USP48: variants seen among roughly 807,000 people sequenced by gnomAD.
USP48 encodes the protein ubiquitin carboxyl-terminal hydrolase 48.
In USP48, 43 loss-of-function variants were observed where a neutral mutation model predicts 150.7. The ratio of observed to expected loss-of-function variants is 0.29; its 90% CI spans 0.22 to 0.37. The LOEUF (loss-of-function observed/expected upper bound fraction) is 0.37, where lower values mean the gene tolerates loss of function less well. Ranked by LOEUF, USP48 falls within the 10% of genes least tolerant of loss-of-function variation. The pLI is 1.00. For synonymous variants in USP48, 396 were observed against 425.9 expected, an observed-to-expected ratio of 0.93 and a Z score of 0.86; for missense variants, 813 against 1,249.6, an observed-to-expected ratio of 0.65 and a Z score of 5.27.
At position 21,752,994 on chromosome 1, in the gene USP48, G is replaced by A; in HGVS notation, c.538C>T (p.Gln180Ter). Residue 180 changes from glutamine to a stop codon, truncating the protein, a stop_gained and splice_region_variant, in exon 4 of 27, where the codon CAG (glutamine) becomes TAG (stop). Transcript: ENST00000308271. LOFTEE classifies it high-confidence loss of function. ...AAAAAAAAAAATTCAGTTCTTACCT[G>A]CTGTTGTCCAGTGTCCAGGCCCAAG... ...KALGLDTGQQQDAQEFSKLFM... is the reference protein window; with the variant it reads ...KALGLDTGQQ 6.3e-7 allele frequency: 1 copy of A among 1,587,934 alleles called. No individual in the cohort carries two copies. Among genetic ancestry groups the A allele is most frequent in the Non-Finnish European group, 8.5e-7 (1 of 1,173,834 alleles).
intron 25 of USP48, chr1:21,686,824 A>G (rs2097581285): frequency 4.9e-6 from 1 of 205,080 alleles, no homozygotes; most frequent in East Asian, 1.4e-4. Flanking sequence ...ACAGTTTTCC[A>G]AACAAGTATC....
chr1:21,772,467 C>T (rs1005876308), intron 1 of USP48, among the ~76,000 whole-genome samples: 3 of 151,636 alleles, frequency 2.0e-5, no homozygotes, highest in Admixed American at 1.3e-4. Context: ...ACAAAAAATG[C>T]AAAAAATTAG....
chr1:21,717,768 A>G (rs1052256977), intron 14 of USP48, among the ~76,000 whole-genome samples: 8 of 152,248 alleles, frequency 5.3e-5, no homozygotes, highest in East Asian at 1.9e-4. Context: ...AGCCTGGTCA[A>G]CATGGCAAAA....
intron 1 of USP48, chr1:21,781,797 G>A (rs1458527428): frequency 1.3e-5 from 2 of 152,236 alleles, no homozygotes; most frequent in Non-Finnish European, 2.9e-5. Flanking sequence ...ATTACGTTGA[G>A]AAACTGACTG....
intron 25 of USP48, among the ~76,000 whole-genome samples, chr1:21,685,480 A>C (rs1347939067): frequency 6.6e-6 from 1 of 151,858 alleles, no homozygotes; most frequent in African/African-American, 2.4e-5. Context: ...ACGCCTGGTT[A>C]ATTTTTGTAA....
chr1:21,720,719 C>T (rs56116547), intron 14 of USP48, among the ~76,000 whole-genome samples: 17,204 of 151,830 alleles, frequency 0.11, 1,169 homozygotes, highest in African/African-American at 0.18. Flanking sequence ...TTAGTAGAGA[C>T]GGGGTTTCAC....
chr1:21,731,709 C>T (rs570128374), intron 9 of USP48, among the ~76,000 whole-genome samples: 3 of 151,836 alleles, frequency 2.0e-5, no homozygotes, highest in East Asian at 2.0e-4. Context: ...AGTAAAAGCC[C>T]GTATCTACTA....
chr1:21,743,576 G>A (rs1183024125), intron 8 of USP48, among the ~76,000 whole-genome samples: 1 of 151,922 alleles, frequency 6.6e-6, no homozygotes, highest in Non-Finnish European at 1.5e-5. Context: ...CTATGTTTAG[G>A]GATGCATGCT....
In USP48 at chr1:21,679,312, C is replaced by A; in HGVS notation, c.*105G>T. The A allele has an allele frequency of 2.9e-6, 4 of 1,401,212 alleles. No individual in the cohort carries two copies. The highest frequency in any genetic ancestry group is 4.1e-6 in the Non-Finnish European group (4 of 987,448). 86.8% of individuals were successfully genotyped at this position (1,401,212 alleles called of 1,614,324 possible). On this transcript the variant is annotated 3_prime_UTR_variant, in exon 27 of 27. Coordinates refer to ENST00000308271, the MANE Select transcript of USP48 (RefSeq NM_032236.8). Reference sequence around the variant, plus strand: ...ATGGATTTCTGCCTTTTGGAAGGGGCATGTAATGGTTTAATTCTTAAATCC... The same window carrying A: ...ATGGATTTCTGCCTTTTGGAAGGGGAATGTAATGGTTTAATTCTTAAATCC...
At chr1:21,753,841 A>C (rs2097824026) in intron 3 of USP48, among the ~76,000 whole-genome samples, 1 of 150,706 alleles carries the variant, frequency 6.6e-6, no homozygotes, top group South Asian at 2.1e-4. Context: ...AAAAAAAAAA[A>C]AAAAAAACTT....
At chr1:21,738,853 C>G (rs1224506084) in intron 8 of USP48, among the ~76,000 whole-genome samples, 1 of 152,102 alleles carries the variant, frequency 6.6e-6, no homozygotes, top group East Asian at 1.9e-4. Context: ...ACTAAAGGAA[C>G]AGAGTCCCTG....
intron 9 of USP48, among the ~76,000 whole-genome samples, chr1:21,734,386 A>G (rs575409842): frequency 1.0e-3 from 158 of 152,296 alleles, no homozygotes; most frequent in African/African-American, 3.5e-3. Context: ...GCAACAGAGC[A>G]AGACTCTGTC....
chr1:21,681,332 G>C (rs1379613899), intron 25 of USP48: 2 of 152,330 alleles, frequency 1.3e-5, no homozygotes, highest in African/African-American at 4.8e-5. Flanking sequence ...CATGATCTCG[G>C]CTCACTGCAA....
intron 17 of USP48, 84 bp from the exon 18 acceptor site, chr1:21,706,271 TTATTC>T (rs1433768132): frequency 1.3e-6 from 2 of 1,526,012 alleles, no homozygotes; most frequent in Non-Finnish European, 1.8e-6. Flanking sequence ...TTGGTTGTCC[TTATTC>T]AAGTTTTATA....
At chr1:21,738,460 G>T (rs563528264) in intron 8 of USP48, among the ~76,000 whole-genome samples, 1 of 151,102 alleles carries the variant, frequency 6.6e-6, no homozygotes, top group African/African-American at 2.4e-5. Context: ...GGGGTCATGC[G>T]ATTCTCTTGC....
intron 23 of USP48, among the ~76,000 whole-genome samples, chr1:21,694,241 A>G (rs1395665592): frequency 4.6e-5 from 7 of 152,126 alleles, no homozygotes; most frequent in African/African-American, 1.7e-4. Context: ...ATAAATCTAT[A>G]TAACAATTTG....
At chr1:21,745,141 T>C (rs901490779) in intron 8 of USP48, among the ~76,000 whole-genome samples, 4 of 152,184 alleles carry the variant, frequency 2.6e-5, no homozygotes, top group African/African-American at 9.6e-5. Context: ...CCTATGCAAT[T>C]AACAAAAGTT....
intron 25 of USP48, 145 bp from the exon 26 acceptor site, chr1:21,680,979 T>C: frequency 1.6e-6 from 1 of 616,952 alleles, no homozygotes; most frequent in Non-Finnish European, 2.8e-6. Flanking sequence ...AAGTTACGGA[T>C]GTTACTAATT....
At chr1:21,684,651 G>A (rs752524907) in intron 25 of USP48, among the ~76,000 whole-genome samples, 6 of 147,108 alleles carry the variant, frequency 4.1e-5, no homozygotes, top group Non-Finnish European at 9.0e-5. Context: ...CCCCCATATT[G>A]AATTCTAGCA....
Sources: gnomAD v4.1 joint callset for allele counts (sites outside exome capture counted in the v4.1 genomes callset) on GRCh38, gnomAD v4.1.1 for gene constraint, MANE v1.5 for transcripts, NCBI Gene and HGNC (gene_info 2026-07-23, HGNC 2026-07-21) for gene names.